ARHGEF10: variants seen among roughly 807,000 people sequenced by gnomAD.
The protein encoded by ARHGEF10 is Rho guanine nucleotide exchange factor (GEF) 10.
Under a neutral mutation model 147.4 loss-of-function variants are expected in ARHGEF10, and 140 were observed. The observed-to-expected ratio is 0.95, with a 90% CI of 0.83 to 1.09. The LOEUF (loss-of-function observed/expected upper bound fraction) is 1.09. Among genes scored for constraint, ARHGEF10 ranks in the 50% least tolerant of loss-of-function variants. ARHGEF10 has a pLI of 0.00. For missense variants in ARHGEF10, 2,222 were observed against 1,752.7 expected (o/e 1.27, Z -4.78); for synonymous variants, 902 against 695.8 (o/e 1.30, Z -4.67).
chr8:1,932,074 A>G (rs1460717949), intron 25 of ARHGEF10, among the ~76,000 whole-genome samples: 1 of 152,200 alleles, frequency 6.6e-6, no homozygotes, highest in African/African-American at 2.4e-5. Flanking sequence ...GTGCATAGAG[A>G]GAGCTCTGAC....
upstream of ARHGEF10, among the ~76,000 whole-genome samples, chr8:1,823,629 G>A (rs1353903184): frequency 6.6e-6 from 1 of 151,830 alleles, no homozygotes; most frequent in Non-Finnish European, 1.5e-5. Context: ...GGGGCGGGGA[G>A]GGCACTCGGT....
chr8:1,944,677 G>A (rs919119427), intron 26 of ARHGEF10, among the ~76,000 whole-genome samples: 22 of 152,220 alleles, frequency 1.4e-4, no homozygotes, highest in African/African-American at 5.3e-4. Context: ...AGGATCGTGA[G>A]TTTCTTTAAT....
chr8:1,904,241 G>A (rs932660546), intron 16 of ARHGEF10: 3 of 152,312 alleles, frequency 2.0e-5, no homozygotes, highest in Admixed American at 2.0e-4. Flanking sequence ...ATAACTACTT[G>A]TCTGCAGCAG....
chr8:1,865,859 C>G (rs541424173), intron 5 of ARHGEF10, among the ~76,000 whole-genome samples: 2 of 152,340 alleles, frequency 1.3e-5, no homozygotes, highest in South Asian at 4.1e-4. Flanking sequence ...CACAGCTCCC[C>G]ACAGGACGCG....
At chr8:1,951,324 A>G (rs567407604) in intron 27 of ARHGEF10, among the ~76,000 whole-genome samples, 43 of 152,220 alleles carry the variant, frequency 2.8e-4, no homozygotes, top group Non-Finnish European at 6.3e-4. Context: ...TAGCTTTAGA[A>G]AGTAACAGCA....
At chr8:1,898,936 G>A (rs776792743) in intron 15 of ARHGEF10, among the ~76,000 whole-genome samples, 3 of 152,240 alleles carry the variant, frequency 2.0e-5, no homozygotes, top group East Asian at 3.9e-4. Flanking sequence ...TCGCCTCTGT[G>A]CCCAGAGGGG....
rs563212279 is a variant in ARHGEF10 at position 1,926,518 on chromosome 8, G to A, written c.2697+55G>A. ...AGTTCACAGAGAATCAACGTTCATGGTCGGTGTGATGAGAGACTGAGATGT... is the reference window on the plus strand; with the variant it reads ...AGTTCACAGAGAATCAACGTTCATGATCGGTGTGATGAGAGACTGAGATGT... On this transcript the variant is annotated intron_variant, in intron 23 of 28. Transcript: ENST00000349830. 14 of 1,526,552 alleles carry A rather than the reference G, an allele frequency of 9.2e-6. No homozygotes were observed. The South Asian group carries it at 1.6e-4, about 17-fold the overall frequency. 94.6% of individuals were successfully genotyped at this position (1,526,552 alleles called of 1,614,324 possible).
rs539515761 is a variant in ARHGEF10, at chr8:1,940,032, C to T, written c.3223-5449C>T. ...GCCAGCAACGTAACGGGGTGCGAGA[C>T]GCTTGGATACTAGAACAAAGGAGGT... On this transcript the variant is annotated intron_variant, in intron 26 of 28. Coordinates refer to ENST00000349830, the MANE Select transcript of ARHGEF10 (RefSeq NM_014629.4). Among the ~76,000 whole-genome samples the T allele has an allele frequency of 1.5e-4, 23 of 152,196 alleles. No individual in the cohort carries two copies. In the South Asian group the frequency reaches 4.6e-3, roughly 30 times the overall value.
In ARHGEF10 at chr8:1,858,116, G is replaced by T. The variant is rs1195266131; in HGVS notation, c.193+1G>T. 1 of 1,613,482 alleles carries T rather than the reference G, an allele frequency of 6.2e-7. No individual in the cohort carries two copies. The highest frequency in any genetic ancestry group is 1.7e-5 in the Admixed American group (1 of 59,954). ...GCCAGTGAAGCCCCTGCACCCACAG[G>T]TGAGTTTCCAGGAGGGTCCCCAGGT... On this transcript the variant is annotated splice_donor_variant, in intron 3 of 28. Coordinates refer to ENST00000349830, the MANE Select transcript of ARHGEF10 (RefSeq NM_014629.4). LOFTEE classifies it high-confidence loss of function.
intron 2 of ARHGEF10, among the ~76,000 whole-genome samples, chr8:1,851,196 A>ATTGTTGGC (rs879464764): frequency 1.6e-5 from 2 of 125,966 alleles, no homozygotes; most frequent in African/African-American, 5.8e-5. Flanking sequence ...GACGTACCTC[A>ATTGTTGGC]ACATCATTAC....
chr8:1,938,835 G>A (rs1194591977), intron 26 of ARHGEF10, among the ~76,000 whole-genome samples: 1 of 151,912 alleles, frequency 6.6e-6, no homozygotes, highest in Non-Finnish European at 1.5e-5. Flanking sequence ...CGAACACTGT[G>A]GAATCTCAGT....
chr8:1,954,974 GCAC>G (rs1815368944), intron 28 of ARHGEF10, among the ~76,000 whole-genome samples: 12 of 147,800 alleles, frequency 8.1e-5, no homozygotes, highest in Admixed American at 1.3e-4. Flanking sequence ...GAAAGGAGGT[GCAC>G]TCTCACTGTT....
At chr8:1,954,905 A>G (rs1475845378) in intron 28 of ARHGEF10, among the ~76,000 whole-genome samples, 1 of 152,200 alleles carries the variant, frequency 6.6e-6, no homozygotes, top group Non-Finnish European at 1.5e-5. Flanking sequence ...CCCTGCCTGC[A>G]GCCTGCCTCT....
intron 11 of ARHGEF10, among the ~76,000 whole-genome samples, chr8:1,886,959 G>C (rs1159586256): frequency 6.6e-6 from 1 of 152,196 alleles, no homozygotes; most frequent in African/African-American, 2.4e-5. Context: ...AGAGGATCTA[G>C]CGCTTTCTCC....
chr8:1,949,520 C>A (rs1308370660), intron 27 of ARHGEF10, among the ~76,000 whole-genome samples: 1 of 152,146 alleles, frequency 6.6e-6, no homozygotes, highest in Non-Finnish European at 1.5e-5. Flanking sequence ...CAGATGTTTC[C>A]TGCTCTGTCC....
At chr8:1,835,804 CT>C (rs1803544165) in intron 1 of ARHGEF10, among the ~76,000 whole-genome samples, 1 of 152,232 alleles carries the variant, frequency 6.6e-6, no homozygotes, top group Admixed American at 6.5e-5. Context: ...GGGCTGCGGC[CT>C]GACGCACACG....
intron 6 of ARHGEF10, 141 bp from the exon 7 acceptor site, chr8:1,869,053 T>G: frequency 1.3e-6 from 1 of 763,112 alleles, no homozygotes; most frequent in Non-Finnish European, 2.3e-6. Context: ...AACGAAAAAG[T>G]AAAAAATAAA....
intron 23 of ARHGEF10, among the ~76,000 whole-genome samples, chr8:1,928,076 T>C (rs1276706372): frequency 6.6e-6 from 1 of 152,236 alleles, no homozygotes; most frequent in Admixed American, 6.5e-5. Flanking sequence ...ATATTAGTGT[T>C]AAGTTATTAA....
At chr8:1,853,292 G>A (rs549652917) in intron 2 of ARHGEF10, among the ~76,000 whole-genome samples, 281 of 152,290 alleles carry the variant, frequency 1.8e-3, no homozygotes, top group Admixed American at 4.1e-3. Flanking sequence ...TACCCAGAGC[G>A]CCGGGCCCTT....
Sources: gnomAD v4.1 joint callset for allele counts (sites outside exome capture counted in the v4.1 genomes callset) on GRCh38, gnomAD v4.1.1 for gene constraint, MANE v1.5 for transcripts, NCBI Gene and HGNC (gene_info 2026-07-23, HGNC 2026-07-21) for gene names.